Variants in CNKSR1 observed in about 807,000 individuals in gnomAD.
CNKSR1 encodes the protein CNK homolog protein 1.
A neutral mutation model predicts 95.6 loss-of-function variants in CNKSR1; 88 were observed. That is an observed-to-expected ratio of 0.92 (90% CI 0.78 to 1.10). The LOEUF (loss-of-function observed/expected upper bound fraction) is 1.10, where lower values mean the gene tolerates loss of function less well. Ranked by LOEUF, CNKSR1 falls within the 50% of genes least tolerant of loss-of-function variation. The pLI is 0.00. For synonymous variants in CNKSR1, 355 were observed against 369.7 expected (o/e 0.96, Z 0.46); for missense variants, 836 against 912.0 (o/e 0.92, Z 1.07).
chr1:26,182,107 C>A, intron 4 of CNKSR1, 166 bp downstream of exon 4: 1 of 773,946 alleles, frequency 1.3e-6, no homozygotes, highest in Non-Finnish European at 2.2e-6. Context: ...GGCCTGGGGT[C>A]CCCTAGCTGG....
Position 26,189,517 on chromosome 1 carries a change from C to G in CNKSR1, c.2111C>G (p.Ser704Ter). ...CACTCCCATCTCTGCCCCCTGACCT[C>G]AGAGAGCAGCCTCCGACCTCCTGAC... ...EEHSHLCPLTSESSLRPPDL is the reference protein window; with the variant it reads ...EEHSHLCPLT The change falls in exon 21 of 21, where the codon TCA becomes TGA. Residue 704 changes from serine (S) to a stop codon, truncating the protein, a stop_gained. Transcript: ENST00000361530. LOFTEE classifies it high-confidence loss of function. 6.3e-7 allele frequency: 1 copy of G among 1,591,366 alleles called. No individual in the cohort carries two copies. The highest frequency in any genetic ancestry group is 1.1e-5 in the South Asian group (1 of 90,588).
At chr1:26,184,906 T>C in intron 13 of CNKSR1, 108 bp from the exon 14 acceptor site, 1 of 1,146,460 alleles carries the variant, frequency 8.7e-7, no homozygotes, top group Non-Finnish European at 1.2e-6. Flanking sequence ...CTGAGCAGAG[T>C]GTGGGTTCAG....
At chr1:26,179,183 G>A (rs1443070421) in intron 1 of CNKSR1, among the ~76,000 whole-genome samples, 8 of 152,178 alleles carry the variant, frequency 5.3e-5, no homozygotes, top group African/African-American at 1.4e-4. Context: ...GGCACAGGCC[G>A]GGGGTTAGAG....
Position 26,187,432 on chromosome 1 carries a change from T to C in CNKSR1, c.1404T>C (p.Asp468=), listed in dbSNP as rs1256949827. The change falls in exon 16 of 21, where the codon GAT becomes GAC. Residue 468 remains aspartate (D), a synonymous_variant. Coordinates refer to ENST00000361530, the MANE Select transcript of CNKSR1 (RefSeq NM_006314.3). Reference sequence around the variant, plus strand: ...GCAGTGTGTTTCAGCTCACCCATGATGTGTACAAACCCTTCATCTTCGCTG... The same window carrying C: ...GCAGTGTGTTTCAGCTCACCCATGACGTGTACAAACCCTTCATCTTCGCTG... ...KKKYVFQLTH[D]VYKPFIFAAD... is the part of the protein sequence containing the mutation. The C allele has an allele frequency of 1.2e-6, 2 of 1,614,068 alleles. No homozygotes were observed. The highest frequency in any genetic ancestry group is 1.6e-4 in the Middle Eastern group (1 of 6,062).
In CNKSR1 at chr1:26,183,261, G is replaced by C. The variant is rs746390463; in HGVS notation, c.684+5G>C. Reference sequence around the variant, plus strand: ...GTGTCCCAAGTGGACACCCAGGTGAGAGCCCCACACCCTTCTCAGCCGCCC... The same window carrying C: ...GTGTCCCAAGTGGACACCCAGGTGACAGCCCCACACCCTTCTCAGCCGCCC... On this transcript the variant is annotated splice_donor_5th_base_variant and intron_variant, in intron 7 of 20. Coordinates refer to ENST00000361530, the MANE Select transcript of CNKSR1 (RefSeq NM_006314.3). 140 of 1,614,046 alleles carry C rather than the reference G, an allele frequency of 8.7e-5. No homozygotes were observed. The highest frequency in any genetic ancestry group is 1.1e-4 in the Non-Finnish European group (135 of 1,180,038).
intron 14 of CNKSR1, chr1:26,186,875 T>G: frequency 2.5e-6 from 1 of 401,034 alleles, no homozygotes; most frequent in Non-Finnish European, 4.7e-6. Context: ...AGTGCTGGGA[T>G]TACAGGCATG....
At chr1:26,181,077 G>A in intron 3 of CNKSR1, 181 bp downstream of exon 3, 1 of 704,818 alleles carries the variant, frequency 1.4e-6, no homozygotes, top group Middle Eastern at 3.8e-4. Context: ...GTCAGGAGTT[G>A]GAGACCAGCC....
intron 14 of CNKSR1, 106 bp downstream of exon 14, chr1:26,185,292 G>T: frequency 1.7e-6 from 2 of 1,205,884 alleles, no homozygotes; most frequent in Non-Finnish European, 2.4e-6. Flanking sequence ...AGGCTTTGAT[G>T]TCCCCATCTG....
rs2088832215 is a variant in CNKSR1, at chr1:26,189,744, C to T, written c.*196C>T. 1 of 701,104 alleles carries T rather than the reference C, an allele frequency of 1.4e-6. No homozygotes were observed. The highest frequency in any genetic ancestry group is 2.6e-6 in the Non-Finnish European group (1 of 385,350). The allele number at this position is 701,104 out of a possible 1,614,324, so 43.4% of individuals were successfully genotyped here. A position where few individuals can be genotyped will look rare whatever the true frequency, so the allele number is the denominator to read the frequency against. ...TCCCTTGCCAAAGAAGAAACTCTCC[C>T]CCCAAATCCTCCAACCTCTGGGGCC... is the stretch of plus-strand genomic sequence containing the variant. On this transcript the variant is annotated 3_prime_UTR_variant, in exon 21 of 21. Coordinates refer to ENST00000361530, the MANE Select transcript of CNKSR1 (RefSeq NM_006314.3).
At position 26,189,808 on chromosome 1, in the gene CNKSR1, A is replaced by G. The variant is rs1293621057; in HGVS notation, c.*260A>G. ...TCCAGTTCCTTGGCAGTTCTCCCCC[A>G]AACCAGGTCTGTACAGGTGTTCTTT... On this transcript the variant is annotated 3_prime_UTR_variant, in exon 21 of 21. Transcript: ENST00000361530. 2 of 691,504 alleles carry G rather than the reference A, an allele frequency of 2.9e-6. No individual in the cohort carries two copies. Among genetic ancestry groups the G allele is most frequent in the Non-Finnish European group, 5.3e-6 (2 of 379,392 alleles). The allele number at this position is 691,504 out of a possible 1,614,324, so 42.8% of individuals were successfully genotyped here. A position where few individuals can be genotyped will look rare whatever the true frequency, so the allele number is the denominator to read the frequency against.
Position 26,188,496 on chromosome 1 carries a change from C to T in CNKSR1, c.1583C>T (p.Ser528Leu). The T allele has an allele frequency of 6.2e-7, 1 of 1,603,664 alleles. No homozygotes were observed. The highest frequency in any genetic ancestry group is 1.1e-5 in the South Asian group (1 of 89,478). The change falls in exon 18 of 21, where the codon TCA becomes TTA. Residue 528 changes from serine to leucine, a missense_variant. By Grantham distance (145) the Ser-to-Leu change is moderately radical. Coordinates refer to ENST00000361530, the MANE Select transcript of CNKSR1 (RefSeq NM_006314.3). ...EDPDDEAGSHSASPSPAQAGS... is the reference protein window; with the variant it reads ...EDPDDEAGSHLASPSPAQAGS... ...CCGGACGATGAGGCTGGGTCCCACTCAGCCTCGGTGAGTGGGGGGCTGCCG... is the reference window on the plus strand; with the variant it reads ...CCGGACGATGAGGCTGGGTCCCACTTAGCCTCGGTGAGTGGGGGGCTGCCG...
At position 26,189,866 on chromosome 1, in the gene CNKSR1, A is replaced by C. The variant is rs942518810; in HGVS notation, c.*318A>C. On this transcript the variant is annotated 3_prime_UTR_variant, in exon 21 of 21. Transcript: ENST00000361530. ...ATGAGGGCTACTTTCCAACCAAATA[A>C]AGTCAATTTTTCTAAGAATGAGTCT... 3.0e-5 allele frequency: 17 copies of C among 557,942 alleles called. No individual in the cohort carries two copies. The highest frequency in any genetic ancestry group is 4.9e-5 in the Non-Finnish European group (15 of 304,806). 34.6% of individuals were successfully genotyped at this position (557,942 alleles called of 1,614,324 possible).
At position 26,184,964 on chromosome 1, in the gene CNKSR1, G is replaced by A. The variant is rs146812861; in HGVS notation, c.1136-50G>A. ...TGGAAGGCAGGGAGTAGGTTTAGCG[G>A]GGGCACCTTGCCAGCCCCTCACTGC... On this transcript the variant is annotated intron_variant, in intron 13 of 20. Transcript: ENST00000361530. 2.0e-3 allele frequency: 3,066 copies of A among 1,536,948 alleles called. 60 individuals carry two copies. The African/African-American group carries it at 0.037, about 19-fold the overall frequency.
intron 3 of CNKSR1, chr1:26,181,159 T>A (rs2088641134): frequency 2.4e-6 from 1 of 420,112 alleles, no homozygotes; most frequent in Non-Finnish European, 4.5e-6. Context: ...TGCGCACCTG[T>A]AATCCCAGCT....
intron 14 of CNKSR1, 123 bp downstream of exon 14, chr1:26,185,309 G>T: frequency 2.8e-6 from 3 of 1,060,102 alleles, no homozygotes; most frequent in Admixed American, 2.0e-5. Flanking sequence ...TCTGTAAAAT[G>T]GGGACTTTAT....
chr1:26,183,170 C>T (rs762661593), intron 6 of CNKSR1, 27 bp from the exon 7 acceptor site: 13 of 1,613,104 alleles, frequency 8.1e-6, no homozygotes, highest in Admixed American at 1.7e-5. Context: ...CCCCAGCCCC[C>T]GGTGACTATA....
intron 1 of CNKSR1, among the ~76,000 whole-genome samples, chr1:26,179,134 A>G (rs372441019): frequency 6.6e-6 from 1 of 152,252 alleles, no homozygotes; most frequent in South Asian, 2.1e-4. Flanking sequence ...TAAGCCCTCA[A>G]TAGACACTTT....
chr1:26,188,923 C>T lies in CNKSR1; in HGVS notation c.1842C>T (p.His614=), dbSNP rs1557626181. The T allele has an allele frequency of 6.2e-7, 1 of 1,613,842 alleles. No homozygotes were observed. The highest frequency in any genetic ancestry group is 8.5e-7 in the Non-Finnish European group (1 of 1,179,984). ...ACCCTCAGCTCAATGAGCGAGTGCA[C>T]CGTGTGCGGGCGCTACAGAGCACAC... ...NRDPQLNERV[H]RVRALQSTLK... is the part of the protein sequence containing the mutation. Residue 614 remains histidine (H), a synonymous_variant, in exon 20 of 21, where the codon CAC becomes CAT. Transcript: ENST00000361530.
rs980297070 is a variant in CNKSR1 at position 26,183,345 on chromosome 1, G to A, written c.685-1G>A. ...ACCTCAGGCCCCATTCCCCACGTCA[G>A]GTTCCCACTGACTCCCGACTGCAGA... is the stretch of plus-strand genomic sequence containing the variant. On this transcript the variant is annotated splice_acceptor_variant, in intron 7 of 20. Transcript: ENST00000361530. LOFTEE classifies it high-confidence loss of function. 1 of 1,614,186 alleles carries A rather than the reference G, an allele frequency of 6.2e-7. No homozygotes were observed. Among genetic ancestry groups the A allele is most frequent in the Admixed American group, 1.7e-5 (1 of 60,032 alleles).
Sources: gnomAD v4.1 joint callset for allele counts (sites outside exome capture counted in the v4.1 genomes callset) on GRCh38, gnomAD v4.1.1 for gene constraint, MANE v1.5 for transcripts, NCBI Gene and HGNC (gene_info 2026-07-23, HGNC 2026-07-21) for gene names.